SLC39A11: variants seen among roughly 807,000 people sequenced by gnomAD.
SLC39A11 encodes solute carrier family 39 member 11.
SLC39A11 carries 33 observed loss-of-function variants against 36.1 expected under a neutral mutation model. That is an observed-to-expected ratio of 0.91 (90% CI 0.69 to 1.22). SLC39A11 has a LOEUF of 1.22. SLC39A11 is among the 50% of genes most tolerant of loss of function. The pLI, the probability that SLC39A11 is intolerant of heterozygous loss-of-function variation, is 0.00. For synonymous variants in SLC39A11, 166 were observed against 170.3 expected, an observed-to-expected ratio of 0.97 and a Z score of 0.20; for missense variants, 432 against 430.3, an observed-to-expected ratio of 1.00 and a Z score of -0.03.
At chr17:72,947,553 G>T in intron 5 of SLC39A11, 199 bp downstream of exon 5, 2 of 737,284 alleles carry the variant, frequency 2.7e-6, no homozygotes, top group East Asian at 2.5e-5. Context: ...CATGTGGTTT[G>T]GACAACAAAT....
intron 4 of SLC39A11, among the ~76,000 whole-genome samples, chr17:72,963,374 G>T (rs112278150): frequency 6.6e-6 from 1 of 151,476 alleles, no homozygotes; most frequent in Non-Finnish European, 1.5e-5. Context: ...GTTTCACCGT[G>T]TTAGCCAGGA....
intron 6 of SLC39A11, among the ~76,000 whole-genome samples, chr17:72,818,377 G>A (rs909505287): frequency 2.0e-5 from 3 of 152,126 alleles, no homozygotes; most frequent in African/African-American, 7.2e-5. Flanking sequence ...TATCTGGAGG[G>A]TGCATTCCTC....
At chr17:73,037,415 AG>A (rs1204046236) in intron 3 of SLC39A11, among the ~76,000 whole-genome samples, 2 of 152,254 alleles carry the variant, frequency 1.3e-5, no homozygotes, top group Admixed American at 1.3e-4. Context: ...AATAGAAAGC[AG>A]GGTATCTGAT....
intron 6 of SLC39A11, among the ~76,000 whole-genome samples, chr17:72,747,755 G>A (rs770381838): frequency 8.5e-5 from 13 of 152,196 alleles, no homozygotes; most frequent in Admixed American, 3.3e-4. Flanking sequence ...CTAGCAGGAA[G>A]CAAAACCAAG....
chr17:72,932,466 G>A (rs186892571), intron 5 of SLC39A11, among the ~76,000 whole-genome samples: 1,048 of 35,836 alleles, frequency 0.029, 17 homozygotes, highest in African/African-American at 0.1. Context: ...CACAGGCCCC[G>A]GTGTGTGATG....
At chr17:72,940,966 A>C (rs2085065757) in intron 5 of SLC39A11, among the ~76,000 whole-genome samples, 1 of 152,166 alleles carries the variant, frequency 6.6e-6, no homozygotes, top group Non-Finnish European at 1.5e-5. Flanking sequence ...ATCCAATATG[A>C]CTGGTGTCCT....
chr17:72,648,829 G>A lies in SLC39A11; in HGVS notation c.903C>T (p.Asp301=), dbSNP rs201576521. ...TGATCTGGGCTTCGGGGATGATGTC[G>A]TCCATGACCACGTAGACCATGGCAC... ...AAGAMVYVVM[D]DIIPEAQISG... The change falls in exon 9 of 10, where the codon GAC becomes GAT. Residue 301 remains aspartate (D), a synonymous_variant. Coordinates refer to ENST00000255559, the MANE Select transcript of SLC39A11 (RefSeq NM_139177.4). 206 of 1,614,160 alleles carry A rather than the reference G, an allele frequency of 1.3e-4. No homozygotes were observed. The East Asian group carries it at 1.8e-3, about 14-fold the overall frequency.
chr17:72,794,735 G>C (rs1285182574), intron 6 of SLC39A11, among the ~76,000 whole-genome samples: 3 of 151,920 alleles, frequency 2.0e-5, no homozygotes. Context: ...CTTCCTTCAA[G>C]TCCCAGGGTG....
chr17:72,962,533 T>C (rs1216169635), intron 4 of SLC39A11, among the ~76,000 whole-genome samples: 1 of 152,022 alleles, frequency 6.6e-6, no homozygotes, highest in Non-Finnish European at 1.5e-5. Context: ...TTTTGGGGGT[T>C]TTTTGCTAAT....
At chr17:72,677,586 G>GTGA (rs1491063070) in intron 7 of SLC39A11, among the ~76,000 whole-genome samples, 110 of 42,532 alleles carry the variant, frequency 2.6e-3, no homozygotes, top group Non-Finnish European at 4.4e-3. Context: ...GGCAAATGAG[G>GTGA]GTTTGTGAGT....
chr17:72,943,180 G>A (rs1598512212), intron 5 of SLC39A11, among the ~76,000 whole-genome samples: 1 of 152,196 alleles, frequency 6.6e-6, no homozygotes, highest in East Asian at 1.9e-4. Flanking sequence ...AACAGGACAA[G>A]CCCTGGGGTT....
chr17:72,892,292 C>G (rs942139934), intron 5 of SLC39A11, among the ~76,000 whole-genome samples: 1 of 151,680 alleles, frequency 6.6e-6, no homozygotes, highest in Non-Finnish European at 1.5e-5. Flanking sequence ...TACCTGTAAT[C>G]CCAGCTATTC....
intron 5 of SLC39A11, among the ~76,000 whole-genome samples, chr17:72,900,341 G>A (rs1484654555): frequency 6.6e-6 from 1 of 152,068 alleles, no homozygotes; most frequent in Non-Finnish European, 1.5e-5. Context: ...AAGTCGTGGG[G>A]GTATCTGGAG....
chr17:73,000,849 G>C (rs1487259449), intron 4 of SLC39A11, among the ~76,000 whole-genome samples: 1 of 152,196 alleles, frequency 6.6e-6, no homozygotes. Flanking sequence ...TTCTTTGTTA[G>C]GCTCTGCAAG....
At chr17:73,045,164 C>T (rs889025848) in intron 3 of SLC39A11, among the ~76,000 whole-genome samples, 4 of 151,866 alleles carry the variant, frequency 2.6e-5, no homozygotes, top group Non-Finnish European at 5.9e-5. Context: ...TGACAAGGCC[C>T]AGGCCCATTC....
At position 72,915,859 on chromosome 17, in the gene SLC39A11, C is replaced by T. The variant is rs576313149; in HGVS notation, c.430+31893G>A. Among the ~76,000 whole-genome samples the T allele has an allele frequency of 1.7e-3, 257 of 152,334 alleles. 1 individual carries two copies. The highest frequency in any genetic ancestry group is 5.9e-3 in the African/African-American group (244 of 41,574). On this transcript the variant is annotated intron_variant, in intron 5 of 9. Coordinates refer to ENST00000255559, the MANE Select transcript of SLC39A11 (RefSeq NM_139177.4). ...TTTTTTCAAAAGTCTGCTAAGTAGA[C>T]ATTTTTAGGGAACCTTCGCTTTCTT...
intron 6 of SLC39A11, among the ~76,000 whole-genome samples, chr17:72,836,444 G>A (rs964972268): frequency 4.0e-5 from 6 of 151,828 alleles, no homozygotes; most frequent in Admixed American, 2.0e-4. Flanking sequence ...AGGCTCAAGC[G>A]ATTCTCCTGC....
chr17:72,694,357 T>C (rs773429814), intron 7 of SLC39A11, among the ~76,000 whole-genome samples: 3 of 152,232 alleles, frequency 2.0e-5, no homozygotes, highest in African/African-American at 2.4e-5. Flanking sequence ...AGAGCTAGAA[T>C]TGGCTCCTTA....
intron 4 of SLC39A11, among the ~76,000 whole-genome samples, chr17:73,004,209 A>AAG (rs1491363896): frequency 7.7e-6 from 1 of 130,684 alleles, no homozygotes; most frequent in South Asian, 2.7e-4. Context: ...GAAAGAAAGA[A>AAG]AGAAAGAAAG....
Sources: allele counts gnomAD v4.1 joint callset (sites outside exome capture counted in the v4.1 genomes callset), GRCh38; gene constraint gnomAD v4.1.1; transcripts MANE v1.5; gene names NCBI Gene and HGNC (gene_info 2026-07-23, HGNC 2026-07-21).